The following RPS6KA6 variants were observed in gnomAD, a reference collection of about 807,000 sequenced individuals.
RPS6KA6 encodes the protein ribosomal protein S6 kinase alpha-6.
RPS6KA6 carries 27 observed loss-of-function variants against 65.4 expected under a neutral mutation model. The ratio of observed to expected loss-of-function variants is 0.41; its 90% CI spans 0.30 to 0.57. RPS6KA6 has a LOEUF of 0.57. Among genes scored for constraint, RPS6KA6 ranks in the 20% least tolerant of loss-of-function variants. RPS6KA6 has a pLI of 0.24. For missense variants in RPS6KA6, 486 were observed against 555.6 expected, an observed-to-expected ratio of 0.87 and a Z score of 1.26; for synonymous variants, 190 against 184.2, an observed-to-expected ratio of 1.03 and a Z score of -0.26.
At chrX:84,149,905 G>C (rs2035269062) in intron 3 of RPS6KA6, among the ~76,000 whole-genome samples, 1 of 111,963 alleles carries the variant, frequency 8.9e-6, no homozygotes, top group African/African-American at 3.2e-5. Flanking sequence ...AGCTATGAAA[G>C]GCTAGATGGC....
At chrX:84,096,165 G>C in intron 20 of RPS6KA6, 29 bp downstream of exon 20, 1 of 949,575 alleles carries the variant, frequency 1.1e-6, no homozygotes. Flanking sequence ...TAACATGAAT[G>C]CAACAAAACA....
At chrX:84,098,876 G>A (rs990597050) in intron 18 of RPS6KA6, among the ~76,000 whole-genome samples, 1 of 111,526 alleles carries the variant, frequency 9.0e-6, no homozygotes, top group South Asian at 3.7e-4. Context: ...AATAATACAA[G>A]TAGGGAACTA....
intron 20 of RPS6KA6, among the ~76,000 whole-genome samples, chrX:84,086,070 G>A (rs1360786205): frequency 9.0e-6 from 1 of 110,798 alleles, no homozygotes; most frequent in Middle Eastern, 4.2e-3. Context: ...CTTCTGTCTA[G>A]CTAGTTGTCT....
At chrX:84,183,019 T>A (rs771990674) in intron 1 of RPS6KA6, among the ~76,000 whole-genome samples, 3 of 112,178 alleles carry the variant, frequency 2.7e-5, no homozygotes, top group African/African-American at 9.7e-5. Context: ...AGTAAAGAAT[T>A]TAAGCATTCT....
chrX:84,180,617 A>T (rs1181501457), intron 1 of RPS6KA6, among the ~76,000 whole-genome samples: 1 of 111,604 alleles, frequency 9.0e-6, no homozygotes, highest in Non-Finnish European at 1.9e-5. Flanking sequence ...TAGGTCTTGT[A>T]CTTTTACATA....
intron 20 of RPS6KA6, among the ~76,000 whole-genome samples, chrX:84,077,598 T>A (rs531903620): frequency 8.9e-6 from 1 of 111,992 alleles, no homozygotes; most frequent in East Asian, 2.8e-4. Flanking sequence ...TATATATATA[T>A]GTTGAATCAA....
rs1258700976 is a variant in RPS6KA6 at position 84,178,556 on chromosome X, T to C, written c.81+9263A>G. On this transcript the variant is annotated intron_variant, in intron 1 of 21. Coordinates refer to ENST00000262752, the MANE Select transcript of RPS6KA6 (RefSeq NM_014496.5). ...GTATTAATTAATTTTATTAACACCATATATCTATGCTCAGTAAGTGCAATT... is the reference window on the plus strand; with the variant it reads ...GTATTAATTAATTTTATTAACACCACATATCTATGCTCAGTAAGTGCAATT... Among the ~76,000 whole-genome samples, 3 of 112,129 alleles carry C rather than the reference T, an allele frequency of 2.7e-5. No homozygotes were observed. The Admixed American group carries it at 2.8e-4, about 11-fold the overall frequency.
chrX:84,183,814 CCCACCACCA>C (rs1056839925), intron 1 of RPS6KA6, among the ~76,000 whole-genome samples: 1 of 109,991 alleles, frequency 9.1e-6, no homozygotes, highest in African/African-American at 3.3e-5. Context: ...CACCACCACC[CCCACCACCA>C]CCACCACCAC....
chrX:84,153,454 T>C (rs186821891), intron 3 of RPS6KA6, among the ~76,000 whole-genome samples: 6 of 111,738 alleles, frequency 5.4e-5, no homozygotes, highest in Non-Finnish European at 1.9e-5. Flanking sequence ...ATACTTGGTG[T>C]GCTTAGGACA....
At chrX:84,180,735 T>C (rs185560485) in intron 1 of RPS6KA6, among the ~76,000 whole-genome samples, 9 of 112,120 alleles carry the variant, frequency 8.0e-5, no homozygotes, top group Admixed American at 2.9e-4. Flanking sequence ...GGCATGGCTA[T>C]TGAATCAGCA....
rs778391063 is a variant in RPS6KA6 at position 84,075,008 on chromosome X, G to A, written c.1972-9897C>T. 3.4e-3 allele frequency among the ~76,000 whole-genome samples: 380 copies of A among 111,973 alleles called. 2 individuals are homozygous for A. Among genetic ancestry groups the A allele is most frequent in the East Asian group, 9.0e-3 (32 of 3,548 alleles). On this transcript the variant is annotated intron_variant, in intron 20 of 21. Transcript: ENST00000262752. ...GCAGCACTTTGGGAGGCCAAGGCGG[G>A]TGGATCATGAGGTCAGGAGCTCGAG...
At position 84,058,820 on chromosome X, in the gene RPS6KA6, T is replaced by C. The variant is rs1370968059; in HGVS notation, c.*5457A>G. 1 of 111,233 alleles carries C rather than the reference T, an allele frequency of 9.0e-6. No individual in the cohort carries two copies. Among genetic ancestry groups the C allele is most frequent in the Non-Finnish European group, 1.9e-5 (1 of 53,088 alleles). The allele number at this position is 111,233 out of a possible 1,213,427, so 9.2% of individuals were successfully genotyped here. On this transcript the variant is annotated 3_prime_UTR_variant, in exon 22 of 22. Coordinates refer to ENST00000262752, the MANE Select transcript of RPS6KA6 (RefSeq NM_014496.5). ...GCAATGAAATGTCAGTATATACATATATATTTAATATCAGAAATAAGTTTA... is the reference window on the plus strand; with the variant it reads ...GCAATGAAATGTCAGTATATACATACATATTTAATATCAGAAATAAGTTTA...
Position 84,116,212 on chromosome X carries a change from C to G in RPS6KA6, c.1008+17G>C. On this transcript the variant is annotated intron_variant, in intron 12 of 21. Coordinates refer to ENST00000262752, the MANE Select transcript of RPS6KA6 (RefSeq NM_014496.5). ...TCATATGAAGTTATTCAATAACAAG[C>G]TTTCTACTTAACTTACATCCCAGTC... The G allele has an allele frequency of 9.5e-7, 1 of 1,056,018 alleles. No individual in the cohort carries two copies. Among genetic ancestry groups the G allele is most frequent in the Non-Finnish European group, 1.3e-6 (1 of 765,664 alleles). 87.0% of individuals were successfully genotyped at this position (1,056,018 alleles called of 1,213,427 possible).
At chrX:84,095,771 C>A (rs1301762843) in intron 20 of RPS6KA6, among the ~76,000 whole-genome samples, 2 of 111,511 alleles carry the variant, frequency 1.8e-5, no homozygotes, top group Non-Finnish European at 3.8e-5. Flanking sequence ...ATCCAGGTGC[C>A]ACAGATACAT....
chrX:84,111,579 G>A (rs189148963), intron 12 of RPS6KA6, among the ~76,000 whole-genome samples: 22 of 111,354 alleles, frequency 2.0e-4, no homozygotes, highest in Admixed American at 1.9e-3. Flanking sequence ...TTTATATCCA[G>A]CCAAAATAAG....
At chrX:84,120,105 T>C (rs772607722) in intron 8 of RPS6KA6, 78 bp from the exon 9 acceptor site, 43 of 698,154 alleles carry the variant, frequency 6.2e-5, no homozygotes, top group Non-Finnish European at 8.2e-5. Flanking sequence ...CAAAATAATG[T>C]ATTAAACATT....
chrX:84,076,460 G>C (rs1403681519), intron 20 of RPS6KA6, among the ~76,000 whole-genome samples: 1 of 111,549 alleles, frequency 9.0e-6, no homozygotes, highest in African/African-American at 3.3e-5. Flanking sequence ...TGATCGAGTG[G>C]TACTTAACCT....
At chrX:84,143,554 A>G (rs2035144736) in intron 6 of RPS6KA6, among the ~76,000 whole-genome samples, 1 of 111,737 alleles carries the variant, frequency 8.9e-6, no homozygotes, top group Non-Finnish European at 1.9e-5. Flanking sequence ...AAATAAATTG[A>G]GAAAGATACC....
chrX:84,071,382 A>T (rs1484209780), intron 20 of RPS6KA6, among the ~76,000 whole-genome samples: 1 of 111,441 alleles, frequency 9.0e-6, no homozygotes, highest in African/African-American at 3.3e-5. Flanking sequence ...ATCATAATTG[A>T]TGAAGTATAT....
Sources: gnomAD v4.1 joint callset for allele counts (sites outside exome capture counted in the v4.1 genomes callset) on GRCh38, gnomAD v4.1.1 for gene constraint, MANE v1.5 for transcripts, NCBI Gene and HGNC (gene_info 2026-07-23, HGNC 2026-07-21) for gene names.